Variants in MBD5 observed in about 807,000 individuals in gnomAD.
The protein encoded by MBD5 is methyl-CpG binding domain protein 5, also known as methyl-CpG-binding domain protein 5.
Under a neutral mutation model 117.3 loss-of-function variants are expected in MBD5, and 13 were observed. The ratio of observed to expected loss-of-function variants is 0.11; its 90% CI spans 0.07 to 0.18. The LOEUF (loss-of-function observed/expected upper bound fraction) is 0.18, where lower values mean the gene tolerates loss of function less well. Among genes scored for constraint, MBD5 ranks in the 10% least tolerant of loss-of-function variants. MBD5 has a pLI of 1.00. For synonymous variants in MBD5, 727 were observed against 766.4 expected, an observed-to-expected ratio of 0.95 and a Z score of 0.85; for missense variants, 1,879 against 2,093.8, an observed-to-expected ratio of 0.90 and a Z score of 2.00.
chr2:148,025,575 C>A (rs1051497173), intron 1 of MBD5: 1 of 149,872 alleles, frequency 6.7e-6, no homozygotes, highest in Non-Finnish European at 1.5e-5. Flanking sequence ...CCCAAACCCT[C>A]TAAACTTAAA....
At chr2:148,056,318 A>G (rs536976015) in intron 1 of MBD5, among the ~76,000 whole-genome samples, 2 of 152,100 alleles carry the variant, frequency 1.3e-5, no homozygotes, top group Non-Finnish European at 2.9e-5. Context: ...GTTCTTTTCC[A>G]AACCTTATGC....
intron 1 of MBD5, among the ~76,000 whole-genome samples, chr2:148,119,693 A>G (rs1415235738): frequency 6.6e-6 from 1 of 152,116 alleles, no homozygotes; most frequent in African/African-American, 2.4e-5. Flanking sequence ...GGTGTGAGGA[A>G]GTGATCCAAT....
At chr2:148,260,883 G>T (rs1015436047) in intron 3 of MBD5, among the ~76,000 whole-genome samples, 2 of 152,156 alleles carry the variant, frequency 1.3e-5, no homozygotes, top group Non-Finnish European at 2.9e-5. Context: ...GACTTGATCC[G>T]TGGGCTACAG....
intron 4 of MBD5, among the ~76,000 whole-genome samples, chr2:148,398,031 AT>A (rs1704788287): frequency 6.6e-6 from 1 of 152,090 alleles, no homozygotes; most frequent in African/African-American, 2.4e-5. Context: ...TATGTGCCAC[AT>A]TTTCTTAATC....
At chr2:148,380,297 G>C (rs1365414981) in intron 4 of MBD5, among the ~76,000 whole-genome samples, 1 of 152,094 alleles carries the variant, frequency 6.6e-6, no homozygotes, top group Non-Finnish European at 1.5e-5. Context: ...ACATTTGTCT[G>C]TATTGAACTG....
chr2:148,060,009 G>C (rs1694982949), intron 1 of MBD5, among the ~76,000 whole-genome samples: 1 of 151,218 alleles, frequency 6.6e-6, no homozygotes, highest in South Asian at 2.1e-4. Context: ...ACTGGAGGCA[G>C]GCACGGTGGC....
intron 2 of MBD5, among the ~76,000 whole-genome samples, chr2:148,232,299 A>T (rs1430434698): frequency 6.6e-6 from 1 of 152,210 alleles, no homozygotes; most frequent in African/African-American, 2.4e-5. Flanking sequence ...GGGAGTCTTA[A>T]ATTCAGTTTT....
intron 1 of MBD5, among the ~76,000 whole-genome samples, chr2:148,058,321 A>G (rs935224126): frequency 6.6e-6 from 1 of 152,098 alleles, no homozygotes; most frequent in Non-Finnish European, 1.5e-5. Context: ...GAAATGTTAA[A>G]TTAATTGTTC....
At chr2:148,313,051 A>G (rs1394438105) in intron 3 of MBD5, among the ~76,000 whole-genome samples, 4 of 152,056 alleles carry the variant, frequency 2.6e-5, no homozygotes, top group Non-Finnish European at 1.5e-5. Context: ...CACCCGCTAG[A>G]TGCCAGCTGG....
intron 3 of MBD5, among the ~76,000 whole-genome samples, chr2:148,286,354 G>A (rs1701368588): frequency 6.6e-6 from 1 of 152,104 alleles, no homozygotes; most frequent in African/African-American, 2.4e-5. Flanking sequence ...GTTGTGCCAA[G>A]ATTCATCAGA....
At chr2:148,479,686 C>T (rs1681083660) in intron 8 of MBD5, among the ~76,000 whole-genome samples, 1 of 149,832 alleles carries the variant, frequency 6.7e-6, no homozygotes, top group Admixed American at 6.7e-5. Context: ...CAGGACTCTT[C>T]ATTACCTTCC....
intron 4 of MBD5, among the ~76,000 whole-genome samples, chr2:148,345,460 CATATGTATATACACATACATAT>C: frequency 2.3e-5 from 1 of 43,306 alleles, no homozygotes; most frequent in African/African-American, 8.2e-5. Context: ...TACACATATA[CATATGTATATACACATACATAT>C]ACATATGTAT....
chr2:148,390,086 T>A (rs905208362), intron 4 of MBD5, among the ~76,000 whole-genome samples: 2 of 152,198 alleles, frequency 1.3e-5, no homozygotes, highest in South Asian at 4.1e-4. Flanking sequence ...CATCTTGAGT[T>A]AATTTTTTAA....
At chr2:148,083,720 C>T (rs980366466) in intron 1 of MBD5, among the ~76,000 whole-genome samples, 2 of 151,992 alleles carry the variant, frequency 1.3e-5, no homozygotes, top group Non-Finnish European at 2.9e-5. Context: ...CTCTGCCTCT[C>T]GGGTTCAAGT....
At chr2:148,328,169 G>A (rs1254559210) in intron 3 of MBD5, among the ~76,000 whole-genome samples, 1 of 152,230 alleles carries the variant, frequency 6.6e-6, no homozygotes, top group Non-Finnish European at 1.5e-5. Flanking sequence ...CAGGGGTCAG[G>A]GACCCACTTG....
chr2:148,362,601 A>G (rs911042729), intron 4 of MBD5, among the ~76,000 whole-genome samples: 1 of 152,188 alleles, frequency 6.6e-6, no homozygotes, highest in African/African-American at 2.4e-5. Context: ...CTCTGAAGAG[A>G]GCAGTGCATC....
intron 4 of MBD5, among the ~76,000 whole-genome samples, chr2:148,439,130 GA>G: frequency 6.6e-6 from 1 of 152,240 alleles, no homozygotes; most frequent in South Asian, 2.1e-4. Flanking sequence ...ACGTACAAGT[GA>G]AAATCACTAA....
At chr2:148,139,745 C>A (rs961141531) in intron 1 of MBD5, among the ~76,000 whole-genome samples, 1 of 152,110 alleles carries the variant, frequency 6.6e-6, no homozygotes, top group Non-Finnish European at 1.5e-5. Flanking sequence ...CCCCCCTGCA[C>A]CCATTATCTC....
intron 2 of MBD5, among the ~76,000 whole-genome samples, chr2:148,214,444 A>T (rs1699503334): frequency 6.6e-6 from 1 of 152,224 alleles, no homozygotes; most frequent in South Asian, 2.1e-4. Context: ...AACAGGTAGC[A>T]GATTGGACTT....
Sources: allele counts gnomAD v4.1 joint callset (sites outside exome capture counted in the v4.1 genomes callset), GRCh38; gene constraint gnomAD v4.1.1; transcripts MANE v1.5; gene names NCBI Gene and HGNC (gene_info 2026-07-23, HGNC 2026-07-21).